The following SLC3A1 variants were observed in gnomAD, a reference collection of about 807,000 sequenced individuals.
The protein encoded by SLC3A1 is amino acid transporter heavy chain SLC3A1.
Under a neutral mutation model 60.3 loss-of-function variants are expected in SLC3A1, and 78 were observed. That is an observed-to-expected ratio of 1.29 (90% CI 1.08 to 1.56). The LOEUF is 1.56. SLC3A1 is among the 40% of genes most tolerant of loss of function. The pLI, the probability that SLC3A1 is intolerant of heterozygous loss-of-function variation, is 0.00. For missense variants in SLC3A1, 1,172 were observed against 858.9 expected (o/e 1.36, Z -4.56); for synonymous variants, 392 against 307.9 (o/e 1.27, Z -2.86).
At chr2:44,280,983 A>T in intron 2 of SLC3A1, 88 bp downstream of exon 2, 1 of 1,138,450 alleles carries the variant, frequency 8.8e-7, no homozygotes, top group Non-Finnish European at 1.3e-6. Context: ...TCTTCTCCTT[A>T]ACTGTCATAT....
rs188822402 is a variant in SLC3A1, at chr2:44,304,322, A to T, written c.1316A>T (p.Lys439Ile). 1.2e-5 allele frequency: 19 copies of T among 1,614,030 alleles called. No individual in the cohort carries two copies. The Admixed American group carries it at 3.0e-4, about 25-fold the overall frequency. ...TSWMENMPEG[K>I]WPNWMIGGPD... Reference sequence around the variant, plus strand: ...TGGATGGAAAACATGCCAGAAGGAAAATGGCCTAACTGGATGGTAAGTCCT... The same window carrying T: ...TGGATGGAAAACATGCCAGAAGGAATATGGCCTAACTGGATGGTAAGTCCT... The change falls in exon 7 of 10, where the codon AAA becomes ATA. Residue 439 changes from lysine to isoleucine, a missense_variant. Coordinates refer to ENST00000260649, the MANE Select transcript of SLC3A1 (RefSeq NM_000341.4).
At chr2:44,301,364 G>A (rs1451703365) in intron 6 of SLC3A1, 67 of 610,614 alleles carry the variant, frequency 1.1e-4, no homozygotes, top group Non-Finnish European at 1.8e-4. Context: ...GTACTTCACA[G>A]GAGTTTTGTG....
chr2:44,282,547 G>C (rs904476128), intron 3 of SLC3A1, among the ~76,000 whole-genome samples: 1 of 152,130 alleles, frequency 6.6e-6, no homozygotes, highest in African/African-American at 2.4e-5. Context: ...ACCAGATTTA[G>C]CAAATAAAAA....
rs79884044 is a variant in SLC3A1 at position 44,298,239 on chromosome 2, G to A, written c.892-1732G>A. On this transcript the variant is annotated intron_variant, in intron 4 of 9. Transcript: ENST00000260649. ...CCTTTTCTGATTAAAAATCCCTCCA[G>A]GGGTTTCCCATCACCCTCACAAAAA... Among the ~76,000 whole-genome samples the A allele has an allele frequency of 3.1e-3, 476 of 152,162 alleles. 3 individuals carry two copies. The highest frequency in any genetic ancestry group is 0.011 in the African/African-American group (461 of 41,520).
At chr2:44,312,479 T>C in intron 7 of SLC3A1, 107 bp from the exon 8 acceptor site, 1 of 1,190,958 alleles carries the variant, frequency 8.4e-7, no homozygotes, top group South Asian at 1.2e-5. Flanking sequence ...AGTACCAAGG[T>C]ACCACATCTA....
chr2:44,279,003 A>ATT (rs111937406), intron 1 of SLC3A1, among the ~76,000 whole-genome samples: 2 of 145,002 alleles, frequency 1.4e-5, no homozygotes. Flanking sequence ...TATATTTATT[A>ATT]TTTTTTTTTT....
chr2:44,282,723 T>C (rs1245122518), intron 3 of SLC3A1, among the ~76,000 whole-genome samples: 2 of 152,074 alleles, frequency 1.3e-5, no homozygotes, highest in Non-Finnish European at 2.9e-5. Flanking sequence ...AGTGGCTTGA[T>C]CATGGCTCAC....
rs1263279753 is a variant in SLC3A1, at chr2:44,280,783, T to C, written c.498T>C (p.Tyr166=). The part of the protein sequence containing the change: ...NIKTVWITSF[Y]KSSLKDFRYG... Reference sequence around the variant, plus strand: ...AAACTGTTTGGATTACTTCATTTTATAAATCGTCCCTTAAAGATTTCAGAT... The same window carrying C: ...AAACTGTTTGGATTACTTCATTTTACAAATCGTCCCTTAAAGATTTCAGAT... The change falls in exon 2 of 10, where the codon TAT becomes TAC. Residue 166 remains tyrosine (Y), a synonymous_variant. Coordinates refer to ENST00000260649, the MANE Select transcript of SLC3A1 (RefSeq NM_000341.4). The C allele has an allele frequency of 3.1e-6, 5 of 1,612,486 alleles. No individual in the cohort carries two copies. The highest frequency in any genetic ancestry group is 4.2e-6 in the Non-Finnish European group (5 of 1,178,576).
At chr2:44,308,962 G>C (rs960095946) in intron 7 of SLC3A1, among the ~76,000 whole-genome samples, 1 of 152,140 alleles carries the variant, frequency 6.6e-6, no homozygotes, top group Non-Finnish European at 1.5e-5. Flanking sequence ...TCGGTCTCCT[G>C]ACCTCATGAT....
chr2:44,307,919 C>T (rs1259538804), intron 7 of SLC3A1, among the ~76,000 whole-genome samples: 1 of 152,108 alleles, frequency 6.6e-6, no homozygotes, highest in Non-Finnish European at 1.5e-5. Flanking sequence ...TATTCCAGCA[C>T]CACATGCTAA....
intron 1 of SLC3A1, among the ~76,000 whole-genome samples, chr2:44,278,225 A>T (rs1339858661): frequency 6.6e-6 from 1 of 151,934 alleles, no homozygotes; most frequent in Non-Finnish European, 1.5e-5. Flanking sequence ...CAGGTGGATC[A>T]CGAGGTCAGG....
At chr2:44,280,621 T>C in intron 1 of SLC3A1, 95 bp from the exon 2 acceptor site, 1 of 872,788 alleles carries the variant, frequency 1.1e-6, no homozygotes, top group South Asian at 1.5e-5. Context: ...TTTGCCTTCA[T>C]GTAAATATTT....
At position 44,280,763 on chromosome 2, in the gene SLC3A1, G is replaced by C. The variant is rs886056068; in HGVS notation, c.478G>C (p.Val160Leu). 6.2e-7 allele frequency: 1 copy of C among 1,611,728 alleles called. No homozygotes were observed. Among genetic ancestry groups the C allele is most frequent in the Non-Finnish European group, 8.5e-7 (1 of 1,177,888 alleles). Residue 160 changes from valine (V) to leucine (L), a missense_variant, in exon 2 of 10, where the codon GTT (valine) becomes CTT (leucine). Val to Leu is a conservative substitution (Grantham distance 32, BLOSUM62 1). Coordinates refer to ENST00000260649, the MANE Select transcript of SLC3A1 (RefSeq NM_000341.4). ...DYITALNIKT[V>L]WITSFYKSSL... ...CATCACAGCTTTAAATATAAAAACT[G>C]TTTGGATTACTTCATTTTATAAATC...
At chr2:44,299,243 T>C (rs1312569594) in intron 4 of SLC3A1, among the ~76,000 whole-genome samples, 1 of 152,192 alleles carries the variant, frequency 6.6e-6, no homozygotes, top group East Asian at 1.9e-4. Context: ...TTCATCATGT[T>C]GGCCAGGCTG....
intron 9 of SLC3A1, chr2:44,316,209 G>C (rs1490669396): frequency 6.6e-6 from 1 of 152,208 alleles, no homozygotes; most frequent in Non-Finnish European, 1.5e-5. Context: ...ATAAAAGGGA[G>C]ACACCATTCC....
chr2:44,287,604 C>A (rs547884228), intron 4 of SLC3A1, among the ~76,000 whole-genome samples: 2 of 152,100 alleles, frequency 1.3e-5, no homozygotes, highest in Non-Finnish European at 2.9e-5. Flanking sequence ...GCAACCCTAC[C>A]AGTATGCTGG....
chr2:44,297,825 T>C (rs1671892844), intron 4 of SLC3A1, among the ~76,000 whole-genome samples: 1 of 152,314 alleles, frequency 6.6e-6, no homozygotes, highest in South Asian at 2.1e-4. Context: ...CTAGAACTCC[T>C]GGGCTCAAGC....
rs533012991 is a variant in SLC3A1, at chr2:44,281,112, C to G, written c.610+217C>G. ...TCCTTTCTCCTTTCCTTTTTCCTTC[C>G]CTATCTCCTTTCTTCCCCTCCCCTC... On this transcript the variant is annotated intron_variant, in intron 2 of 9. Coordinates refer to ENST00000260649, the MANE Select transcript of SLC3A1 (RefSeq NM_000341.4). Among the ~76,000 whole-genome samples the G allele has an allele frequency of 3.0e-4, 44 of 148,210 alleles. No individual in the cohort carries two copies. The South Asian group carries it at 9.5e-3, about 32-fold the overall frequency.
intron 9 of SLC3A1, chr2:44,317,740 TAC>T (rs1187893012): frequency 1.2e-4 from 18 of 152,386 alleles, no homozygotes; most frequent in African/African-American, 2.6e-4. Flanking sequence ...AAAAAAATTA[TAC>T]AGTCAATCCA....
Sources: gnomAD v4.1 joint callset for allele counts (sites outside exome capture counted in the v4.1 genomes callset) on GRCh38, gnomAD v4.1.1 for gene constraint, MANE v1.5 for transcripts, NCBI Gene and HGNC (gene_info 2026-07-23, HGNC 2026-07-21) for gene names.